The following ADAD1 variants were observed in gnomAD, a reference collection of about 807,000 sequenced individuals.
ADAD1 encodes the protein adenosine deaminase domain-containing protein 1.
In ADAD1, 46 loss-of-function variants were observed where a neutral mutation model predicts 66.8. The ratio of observed to expected loss-of-function variants is 0.69; its 90% CI spans 0.54 to 0.88. ADAD1 has a LOEUF of 0.88. Ranked by LOEUF, ADAD1 falls within the 40% of genes least tolerant of loss-of-function variation. The pLI, the probability that ADAD1 is intolerant of heterozygous loss-of-function variation, is 0.00. For synonymous variants in ADAD1, 248 were observed against 229.4 expected, an observed-to-expected ratio of 1.08 and a Z score of -0.73; for missense variants, 617 against 681.8, an observed-to-expected ratio of 0.91 and a Z score of 1.06.
At chr4:122,422,580 G>A (rs1374809450) in intron 12 of ADAD1, among the ~76,000 whole-genome samples, 2 of 152,036 alleles carry the variant, frequency 1.3e-5, no homozygotes, top group Non-Finnish European at 2.9e-5. Flanking sequence ...AGCCTGTAAA[G>A]CCGTTACATT....
At chr4:122,407,765 CTT>C (rs1183262393) in intron 7 of ADAD1, 141 bp from the exon 8 acceptor site, 4 of 949,618 alleles carry the variant, frequency 4.2e-6, no homozygotes, top group East Asian at 6.1e-5. Context: ...CTCTAAGACT[CTT>C]ATTTTAAATT....
intron 8 of ADAD1, among the ~76,000 whole-genome samples, chr4:122,410,758 T>C (rs1398977454): frequency 2.0e-5 from 3 of 152,218 alleles, no homozygotes; most frequent in Non-Finnish European, 4.4e-5. Flanking sequence ...TCCTATGCTC[T>C]TGTATTTTTT....
chr4:122,421,514 G>T (rs1166788624), intron 12 of ADAD1, 124 bp downstream of exon 12: 3 of 935,136 alleles, frequency 3.2e-6, no homozygotes, highest in African/African-American at 3.3e-5. Flanking sequence ...ATATTACCAG[G>T]TAATGGTAAA....
chr4:122,394,147 G>C (rs778482130), intron 6 of ADAD1, among the ~76,000 whole-genome samples: 1 of 152,064 alleles, frequency 6.6e-6, no homozygotes. Context: ...AGTCATTACG[G>C]TAATTATCTT....
At position 122,424,333 on chromosome 4, in the gene ADAD1, G is replaced by A. The variant is rs139305194; in HGVS notation, c.1617+2943G>A. 3.9e-5 allele frequency among the ~76,000 whole-genome samples: 6 copies of A among 152,262 alleles called. No homozygotes were observed. The East Asian group carries it at 1.2e-3, about 29-fold the overall frequency. On this transcript the variant is annotated intron_variant, in intron 12 of 12. Transcript: ENST00000296513. ...ATAAACATGAGACCTATGAGTATGT[G>A]TGCGTGCATGTCTATATATTTGCTC... is the stretch of plus-strand genomic sequence containing the variant.
chr4:122,400,276 G>GT (rs1265512915), intron 7 of ADAD1, among the ~76,000 whole-genome samples: 6 of 151,956 alleles, frequency 3.9e-5, no homozygotes, highest in Non-Finnish European at 5.9e-5. Context: ...CATAATTTTT[G>GT]TTTTTAATTC....
At chr4:122,381,639 T>C (rs1325932541) in intron 4 of ADAD1, among the ~76,000 whole-genome samples, 1 of 152,200 alleles carries the variant, frequency 6.6e-6, no homozygotes, top group African/African-American at 2.4e-5. Context: ...TTCTCAATTC[T>C]CTCTTAAACT....
chr4:122,407,250 A>G, intron 7 of ADAD1, among the ~76,000 whole-genome samples: 1 of 46,838 alleles, frequency 2.1e-5, no homozygotes, highest in Admixed American at 1.8e-4. Context: ...AATATGGGGA[A>G]AAAAAAGAGT....
At chr4:122,402,519 G>A (rs1174165994) in intron 7 of ADAD1, among the ~76,000 whole-genome samples, 1 of 152,048 alleles carries the variant, frequency 6.6e-6, no homozygotes, top group Non-Finnish European at 1.5e-5. Context: ...TCTTTGAGCT[G>A]CTTATATTTG....
intron 11 of ADAD1, among the ~76,000 whole-genome samples, chr4:122,419,265 A>G (rs1796898769): frequency 6.6e-6 from 1 of 152,198 alleles, no homozygotes; most frequent in Admixed American, 6.5e-5. Flanking sequence ...ATCGTTAGCA[A>G]ATGAACATGG....
chr4:122,387,448 TG>T (rs1219345674), intron 5 of ADAD1, among the ~76,000 whole-genome samples: 2 of 152,178 alleles, frequency 1.3e-5, no homozygotes, highest in Admixed American at 6.5e-5. Flanking sequence ...GCTGAAAAGA[TG>T]GGGTTTTCTA....
intron 11 of ADAD1, among the ~76,000 whole-genome samples, chr4:122,417,156 G>A (rs927949229): frequency 2.0e-5 from 3 of 151,916 alleles, no homozygotes; most frequent in African/African-American, 7.3e-5. Context: ...CCAATATGGC[G>A]AAACCCCATC....
chr4:122,428,583 C>T (rs962436261), intron 12 of ADAD1, among the ~76,000 whole-genome samples: 5 of 152,062 alleles, frequency 3.3e-5, no homozygotes, highest in African/African-American at 1.2e-4. Flanking sequence ...TATTAATCAG[C>T]AATAAAAAGG....
chr4:122,394,499 G>A (rs1461627864), intron 6 of ADAD1, among the ~76,000 whole-genome samples: 1 of 152,172 alleles, frequency 6.6e-6, no homozygotes, highest in Non-Finnish European at 1.5e-5. Context: ...AGCATCCATT[G>A]TCTTTCTAAG....
chr4:122,381,108 C>T lies in ADAD1; in HGVS notation c.289C>T (p.Pro97Ser). 1 of 1,604,886 alleles carries T rather than the reference C, an allele frequency of 6.2e-7. No individual in the cohort carries two copies. Among genetic ancestry groups the T allele is most frequent in the Non-Finnish European group, 8.5e-7 (1 of 1,178,202 alleles). Reference protein sequence around the residue: ...IMKYKRGEINPVSALHQFAQM... With the variant: ...IMKYKRGEINSVSALHQFAQM... ...GAAATACAAACGTGGAGAGATAAAT[C>T]CTGTGTCAGCCTTGCACCAGTTTGC... is the stretch of plus-strand genomic sequence containing the variant. The change falls in exon 4 of 13, where the codon CCT becomes TCT. Residue 97 changes from proline to serine, a missense_variant. Coordinates refer to ENST00000296513, the MANE Select transcript of ADAD1 (RefSeq NM_139243.4).
At position 122,383,100 on chromosome 4, in the gene ADAD1, G is replaced by A. The variant is rs369348665; in HGVS notation, c.362-699G>A. On this transcript the variant is annotated intron_variant, in intron 4 of 12. Coordinates refer to ENST00000296513, the MANE Select transcript of ADAD1 (RefSeq NM_139243.4). ...GAATCTTTGACCTGTAAATACGGGAGACAAGACAATTCTATTTCATTTTTT... is the reference window on the plus strand; with the variant it reads ...GAATCTTTGACCTGTAAATACGGGAAACAAGACAATTCTATTTCATTTTTT... Among the ~76,000 whole-genome samples, 4 of 152,246 alleles carry A rather than the reference G, an allele frequency of 2.6e-5. No individual in the cohort carries two copies. In the East Asian group the frequency reaches 5.8e-4, roughly 22 times the overall value.
chr4:122,408,376 A>G (rs1796312429), intron 8 of ADAD1, among the ~76,000 whole-genome samples: 1 of 152,182 alleles, frequency 6.6e-6, no homozygotes, highest in South Asian at 2.1e-4. Flanking sequence ...TCCAGGTCCA[A>G]GCGATTCTAT....
intron 11 of ADAD1, among the ~76,000 whole-genome samples, chr4:122,417,216 A>G (rs768255523): frequency 9.2e-5 from 14 of 151,822 alleles, no homozygotes; most frequent in Admixed American, 2.0e-4. Context: ...GGTTCCTGTA[A>G]TCCCAGCTAC....
At chr4:122,390,969 T>C (rs1580747898) in intron 5 of ADAD1, among the ~76,000 whole-genome samples, 1 of 152,362 alleles carries the variant, frequency 6.6e-6, no homozygotes, top group African/African-American at 2.4e-5. Context: ...ATTTTTTCAT[T>C]GATTCTTTAT....
Sources: allele counts gnomAD v4.1 joint callset (sites outside exome capture counted in the v4.1 genomes callset), GRCh38; gene constraint gnomAD v4.1.1; transcripts MANE v1.5; gene names NCBI Gene and HGNC (gene_info 2026-07-23, HGNC 2026-07-21).